NAV2: variants seen among roughly 807,000 people sequenced by gnomAD.
The protein encoded by NAV2 is helicase, APC down-regulated 1.
NAV2 carries 54 observed loss-of-function variants against 223.2 expected under a neutral mutation model. The ratio of observed to expected loss-of-function variants is 0.24; its 90% CI spans 0.19 to 0.30. The LOEUF (loss-of-function observed/expected upper bound fraction) is 0.30. NAV2 is among the 10% of genes least tolerant of loss of function. The probability of loss-of-function intolerance (pLI) is 1.00; values close to 1 mark genes in which losing one functional copy is unlikely to be tolerated. For synonymous variants in NAV2, 1,279 were observed against 1,239.3 expected (o/e 1.03, Z -0.67); for missense variants, 2,806 against 3,147.5 (o/e 0.89, Z 2.60).
intron 1 of NAV2, among the ~76,000 whole-genome samples, chr11:19,688,845 A>C (rs2049091766): frequency 6.6e-6 from 1 of 152,204 alleles, no homozygotes; most frequent in South Asian, 2.1e-4. Context: ...AGCCTGGGAT[A>C]GTCTCGGGTT....
chr11:20,090,750 C>G, intron 26 of NAV2, 115 bp from the exon 27 acceptor site: 1 of 1,067,018 alleles, frequency 9.4e-7, no homozygotes, highest in Middle Eastern at 2.1e-4. Context: ...CAGGAAGCAC[C>G]AGGCAGCTGG....
chr11:19,755,650 C>T (rs968197001), intron 1 of NAV2, among the ~76,000 whole-genome samples: 3 of 152,198 alleles, frequency 2.0e-5, no homozygotes, highest in African/African-American at 7.2e-5. Flanking sequence ...TGCATCACTC[C>T]AGTCTTTGGC....
In NAV2 at chr11:19,583,285, G is replaced by A. The variant is rs9667852; in HGVS notation, c.75+232258G>A. Among the ~76,000 whole-genome samples, 213 of 152,134 alleles carry A rather than the reference G, an allele frequency of 1.4e-3. 3 individuals carry two copies. The highest frequency in any genetic ancestry group is 4.8e-3 in the African/African-American group (199 of 41,500). ...GCTTAAGGAGATTTTGGGCTGAGAC[G>A]ATGGGGTTTTCTAGATATACAATCA... On this transcript the variant is annotated intron_variant, in intron 1 of 37. Coordinates refer to the NAV2 transcript ENST00000360655.
intron 4 of NAV2, among the ~76,000 whole-genome samples, chr11:19,873,167 G>A (rs889552194): frequency 6.6e-6 from 1 of 152,182 alleles, no homozygotes; most frequent in Non-Finnish European, 1.5e-5. Flanking sequence ...TGTTTCCTGG[G>A]CACATCCTGT....
At chr11:20,068,246 G>A (rs1442711) in intron 21 of NAV2, 37 bp downstream of exon 21, 2 of 1,611,258 alleles carry the variant, frequency 1.2e-6, no homozygotes, top group African/African-American at 2.7e-5. Context: ...TCCTCTTTAA[G>A]TATTGTCAAT....
chr11:19,805,292 A>T (rs577709625), intron 1 of NAV2, among the ~76,000 whole-genome samples: 6 of 152,314 alleles, frequency 3.9e-5, no homozygotes, highest in African/African-American at 1.4e-4. Context: ...CTTTCTTTTC[A>T]GACCTCTTCT....
At chr11:19,818,739 C>T (rs888973460) in intron 1 of NAV2, among the ~76,000 whole-genome samples, 1 of 152,186 alleles carries the variant, frequency 6.6e-6, no homozygotes, top group African/African-American at 2.4e-5. Context: ...GTGGGTCCTA[C>T]TACCAAGCTA....
At chr11:19,787,264 T>C (rs2057181466) in intron 1 of NAV2, among the ~76,000 whole-genome samples, 1 of 134,278 alleles carries the variant, frequency 7.4e-6, no homozygotes, top group Non-Finnish European at 1.6e-5. Context: ...CTAATTTTTA[T>C]TGGATCTTTT....
chr11:19,986,462 A>G (rs972874432), intron 11 of NAV2, among the ~76,000 whole-genome samples: 2 of 152,184 alleles, frequency 1.3e-5, no homozygotes, highest in Non-Finnish European at 1.5e-5. Flanking sequence ...TCTACTAAGA[A>G]TGCAAAAATT....
At chr11:19,465,287 G>A (rs779386570) in intron 1 of NAV2, among the ~76,000 whole-genome samples, 25 of 152,168 alleles carry the variant, frequency 1.6e-4, no homozygotes, top group Non-Finnish European at 3.4e-4. Flanking sequence ...CCTGCTAGAG[G>A]AGAGGACTAC....
intron 1 of NAV2, among the ~76,000 whole-genome samples, chr11:19,608,509 G>A (rs1387010408): frequency 6.6e-6 from 1 of 152,268 alleles, no homozygotes; most frequent in Non-Finnish European, 1.5e-5. Context: ...TCCACACAAA[G>A]TTTCAATTGA....
chr11:19,371,859 C>T (rs754165972), intron 1 of NAV2, among the ~76,000 whole-genome samples: 1 of 150,420 alleles, frequency 6.6e-6, no homozygotes, highest in Non-Finnish European at 1.5e-5. Flanking sequence ...CTTACTGCAA[C>T]CTCCTCCTCC....
chr11:20,107,143 T>C (rs1226671942), intron 35 of NAV2: 4 of 126,720 alleles, frequency 3.2e-5, no homozygotes, highest in Non-Finnish European at 6.3e-5. Context: ...AGTGGCGCAA[T>C]CTCGGCTCAC....
chr11:19,477,127 TC>T (rs2042142801), intron 1 of NAV2, among the ~76,000 whole-genome samples: 1 of 152,128 alleles, frequency 6.6e-6, no homozygotes, highest in African/African-American at 2.4e-5. Flanking sequence ...GATAAGACTA[TC>T]CAAACCCTTC....
chr11:19,755,457 A>C (rs765929199), intron 1 of NAV2, among the ~76,000 whole-genome samples: 1 of 152,246 alleles, frequency 6.6e-6, no homozygotes, highest in East Asian at 1.9e-4. Flanking sequence ...AGAAAATACC[A>C]TGAACTGGTG....
intron 1 of NAV2, among the ~76,000 whole-genome samples, chr11:19,828,893 G>A (rs1291308265): frequency 2.0e-5 from 3 of 152,316 alleles, no homozygotes; most frequent in South Asian, 2.1e-4. Flanking sequence ...TGGCAGAGCC[G>A]TTTCCAACCA....
intron 1 of NAV2, among the ~76,000 whole-genome samples, chr11:19,381,391 G>A (rs1288316116): frequency 1.3e-5 from 2 of 152,222 alleles, no homozygotes; most frequent in African/African-American, 4.8e-5. Context: ...CATAAATATT[G>A]AAGTGAATGA....
chr11:19,457,829 A>C lies in NAV2; in HGVS notation c.75+106802A>C, dbSNP rs559063930. 2.0e-5 allele frequency among the ~76,000 whole-genome samples: 3 copies of C among 152,312 alleles called. No homozygotes were observed. In the East Asian group the frequency reaches 5.8e-4, roughly 29 times the overall value. On this transcript the variant is annotated intron_variant, in intron 1 of 37. Transcript: ENST00000360655. ...TGCACGTGACAAAGCCCCCACCCTG[A>C]AGGGTCTTGCAGATGAGTTGCAAAC...
intron 1 of NAV2, among the ~76,000 whole-genome samples, chr11:19,751,094 C>T (rs2053770026): frequency 6.6e-6 from 1 of 152,140 alleles, no homozygotes; most frequent in South Asian, 2.1e-4. Flanking sequence ...AGTATTTACA[C>T]CATGGAAATT....
Sources: gnomAD v4.1 joint callset for allele counts (sites outside exome capture counted in the v4.1 genomes callset) on GRCh38, gnomAD v4.1.1 for gene constraint, MANE v1.5 for transcripts, NCBI Gene and HGNC (gene_info 2026-07-23, HGNC 2026-07-21) for gene names.